PPP2R3A: variants seen among roughly 807,000 people sequenced by gnomAD.
PPP2R3A encodes protein phosphatase 2 regulatory subunit B''alpha, also known as serine/threonine-protein phosphatase 2A regulatory subunit B'' subunit alpha.
In PPP2R3A, 80 loss-of-function variants were observed where a neutral mutation model predicts 106.9. That is an observed-to-expected ratio of 0.75 (90% CI 0.62 to 0.90). The LOEUF is 0.90. Ranked by LOEUF, PPP2R3A falls within the 40% of genes least tolerant of loss-of-function variation. PPP2R3A has a pLI of 0.00. For synonymous variants in PPP2R3A, 483 were observed against 468.3 expected, an observed-to-expected ratio of 1.03 and a Z score of -0.41; for missense variants, 1,386 against 1,350.4, an observed-to-expected ratio of 1.03 and a Z score of -0.41.
intron 3 of PPP2R3A, among the ~76,000 whole-genome samples, chr3:136,034,120 G>A (rs1208613221): frequency 1.3e-5 from 2 of 150,394 alleles, no homozygotes; most frequent in Non-Finnish European, 3.0e-5. Context: ...ACTGCAGCCA[G>A]CACCTCCTGG....
At chr3:136,020,328 G>C (rs1020176166) in intron 2 of PPP2R3A, among the ~76,000 whole-genome samples, 2 of 151,972 alleles carry the variant, frequency 1.3e-5, no homozygotes, top group African/African-American at 4.8e-5. Flanking sequence ...TTTTGATAGA[G>C]GGTCAAAGCC....
intron 9 of PPP2R3A, among the ~76,000 whole-genome samples, chr3:136,088,970 G>T (rs1937027172): frequency 6.6e-6 from 1 of 152,060 alleles, no homozygotes; most frequent in Admixed American, 6.6e-5. Flanking sequence ...TCGATATAGA[G>T]TCTGGATATT....
At chr3:136,131,836 A>G (rs1355353780) in intron 13 of PPP2R3A, among the ~76,000 whole-genome samples, 1 of 152,244 alleles carries the variant, frequency 6.6e-6, no homozygotes, top group African/African-American at 2.4e-5. Flanking sequence ...GCAGCCATAA[A>G]AAAGGATGAG....
chr3:136,049,351 C>G lies in PPP2R3A; in HGVS notation c.2459C>G (p.Pro820Arg). The G allele has an allele frequency of 1.2e-6, 2 of 1,604,224 alleles. No homozygotes were observed. The highest frequency in any genetic ancestry group is 2.2e-5 in the East Asian group (1 of 44,808). ...CSSLEQEDFI[P>R]LLQDVVDTHP... is the part of the protein sequence containing the mutation. ...TCTCTAGAACAGGAGGATTTCATCC[C>G]TCTACTTCAGGTAATTTTCATCTCC... The change falls in exon 5 of 14, where the codon CCT becomes CGT. Residue 820 changes from proline to arginine, a missense_variant. Coordinates refer to ENST00000264977, the MANE Select transcript of PPP2R3A (RefSeq NM_002718.5).
chr3:136,128,489 C>T (rs1453059183), intron 13 of PPP2R3A, among the ~76,000 whole-genome samples: 1 of 152,068 alleles, frequency 6.6e-6, no homozygotes, highest in African/African-American at 2.4e-5. Flanking sequence ...TATATATGCA[C>T]CCAATACAGG....
At chr3:136,090,220 A>G (rs1301098514) in intron 9 of PPP2R3A, among the ~76,000 whole-genome samples, 4 of 152,106 alleles carry the variant, frequency 2.6e-5, no homozygotes, top group Non-Finnish European at 5.9e-5. Flanking sequence ...CATTCAGTAT[A>G]ATGCTAGCTA....
At chr3:136,137,724 G>T (rs1459731532) in intron 13 of PPP2R3A, among the ~76,000 whole-genome samples, 13 of 151,660 alleles carry the variant, frequency 8.6e-5, no homozygotes, top group African/African-American at 3.1e-4. Context: ...TGTATTTTTA[G>T]TAGAGACGGG....
chr3:136,140,364 G>A (rs995601845), intron 13 of PPP2R3A, among the ~76,000 whole-genome samples: 12 of 151,120 alleles, frequency 7.9e-5, no homozygotes, highest in African/African-American at 2.7e-4. Flanking sequence ...GCCAAGGCAG[G>A]AGGATTCCTT....
At chr3:136,082,508 T>C (rs1351692799) in intron 8 of PPP2R3A, 87 bp downstream of exon 8, 13 of 1,463,126 alleles carry the variant, frequency 8.9e-6, no homozygotes, top group Non-Finnish European at 1.0e-5. Flanking sequence ...TCCCGTTTGC[T>C]AAATTCTAAA....
Position 136,001,463 on chromosome 3 carries a change from A to C in PPP2R3A, c.-36A>C, listed in dbSNP as rs758046750. On this transcript the variant is annotated 5_prime_UTR_variant, in exon 2 of 14. Transcript: ENST00000264977. ...GAATTTTCATGAAACAAGTTCTAGA[A>C]AGTTCCAAGTCCCACCAGTAAGTGG... The C allele has an allele frequency of 1.9e-6, 3 of 1,548,538 alleles. No individual in the cohort carries two copies. The highest frequency in any genetic ancestry group is 2.6e-6 in the Non-Finnish European group (3 of 1,135,932).
At chr3:136,060,236 A>G (rs145079379) in intron 5 of PPP2R3A, among the ~76,000 whole-genome samples, 3 of 152,254 alleles carry the variant, frequency 2.0e-5, no homozygotes, top group Non-Finnish European at 4.4e-5. Flanking sequence ...AATTTGGATG[A>G]CATTATGTTA....
chr3:136,145,565 A>G lies in PPP2R3A; in HGVS notation c.*399A>G, dbSNP rs1396716089. ...CCTAGAAGAAACCTTCACTTGCAGA[A>G]AACTTGAGTCAGAAAATTCTGGAAC... On this transcript the variant is annotated 3_prime_UTR_variant, in exon 14 of 14. Transcript: ENST00000264977. 6.5e-6 allele frequency: 1 copy of G among 153,090 alleles called. No homozygotes were observed. The highest frequency in any genetic ancestry group is 2.4e-5 in the African/African-American group (1 of 41,472). 9.5% of individuals were successfully genotyped at this position (153,090 alleles called of 1,614,324 possible).
intron 9 of PPP2R3A, among the ~76,000 whole-genome samples, chr3:136,088,974 G>A (rs569102519): frequency 6.6e-6 from 1 of 152,160 alleles, no homozygotes; most frequent in South Asian, 2.1e-4. Flanking sequence ...TATAGAGTCT[G>A]GATATTAGAC....
rs1347864764 is a variant in PPP2R3A at position 135,965,731 on chromosome 3, C to T, written c.-559C>T. 1.3e-5 allele frequency: 2 copies of T among 152,150 alleles called. No homozygotes were observed. Among genetic ancestry groups the T allele is most frequent in the African/African-American group, 4.8e-5 (2 of 41,340 alleles). The allele number at this position is 152,150 out of a possible 1,614,324, so 9.4% of individuals were successfully genotyped here. On this transcript the variant is annotated 5_prime_UTR_variant, in exon 1 of 14. Coordinates refer to ENST00000264977, the MANE Select transcript of PPP2R3A (RefSeq NM_002718.5). ...CCTGCGGGTGGCTGGGCGGGGCGCG[C>T]TCGGGCCTCCGCTCTTCACGCGCCG...
At position 136,145,371 on chromosome 3, in the gene PPP2R3A, G is replaced by C; in HGVS notation, c.*205G>C. 2.1e-6 allele frequency: 1 copy of C among 465,394 alleles called. No individual in the cohort carries two copies. The allele number at this position is 465,394 out of a possible 1,614,324, so 28.8% of individuals were successfully genotyped here. A position where few individuals can be genotyped will look rare whatever the true frequency, so the allele number is the denominator to read the frequency against. ...TCCAATTTGCCTCAAACCTCTTACG[G>C]AGCTTCTCCTCAGAAGTGGTACCAT... On this transcript the variant is annotated 3_prime_UTR_variant, in exon 14 of 14. Transcript: ENST00000264977.
At chr3:136,046,410 C>T (rs776736392) in intron 4 of PPP2R3A, among the ~76,000 whole-genome samples, 2 of 151,336 alleles carry the variant, frequency 1.3e-5, no homozygotes, top group Admixed American at 6.6e-5. Flanking sequence ...GCCGAGGTTG[C>T]GCTGTTGCAC....
In PPP2R3A at chr3:136,026,259, G is replaced by T. The variant is rs566718812; in HGVS notation, c.1996-573G>T. 1.5e-4 allele frequency among the ~76,000 whole-genome samples: 23 copies of T among 152,252 alleles called. 1 individual carries two copies. The highest frequency in any genetic ancestry group is 3.9e-4 in the Admixed American group (6 of 15,292). ...CCCTAGTGGCAAATAAATCAGCCAG[G>T]TAGGGGACATTTCAGAACTAAAATG... On this transcript the variant is annotated intron_variant, in intron 2 of 13. Transcript: ENST00000264977.
At chr3:135,971,567 A>G (rs1370420650) in intron 1 of PPP2R3A, among the ~76,000 whole-genome samples, 2 of 152,190 alleles carry the variant, frequency 1.3e-5, no homozygotes, top group Non-Finnish European at 2.9e-5. Flanking sequence ...GAAGGCATAA[A>G]CCTCATTGCT....
intron 2 of PPP2R3A, among the ~76,000 whole-genome samples, chr3:136,021,817 T>C (rs1934476610): frequency 6.6e-6 from 1 of 152,176 alleles, no homozygotes; most frequent in Non-Finnish European, 1.5e-5. Context: ...TTTTTTTTCT[T>C]GTCATTATTT....
Sources: gnomAD v4.1 joint callset for allele counts (sites outside exome capture counted in the v4.1 genomes callset) on GRCh38, gnomAD v4.1.1 for gene constraint, MANE v1.5 for transcripts, NCBI Gene and HGNC (gene_info 2026-07-23, HGNC 2026-07-21) for gene names.